The following NCKAP5 variants were observed in gnomAD, a reference collection of about 807,000 sequenced individuals.
NCKAP5 encodes the protein nck-associated protein 5.
A neutral mutation model predicts 167.0 loss-of-function variants in NCKAP5; 92 were observed. The ratio of observed to expected loss-of-function variants is 0.55; its 90% confidence interval spans 0.47 to 0.66. The LOEUF is 0.66. Among genes scored for constraint, NCKAP5 ranks in the 30% least tolerant of loss-of-function variants. The pLI is 0.00. For synonymous variants in NCKAP5, 891 were observed against 877.4 expected (o/e 1.02, Z -0.27); for missense variants, 2,378 against 2,315.0 (o/e 1.03, Z -0.56).
chr2:133,208,585 T>C (rs974389857), intron 5 of NCKAP5, among the ~76,000 whole-genome samples: 3 of 151,886 alleles, frequency 2.0e-5, no homozygotes, highest in African/African-American at 7.3e-5. Context: ...GCTTTAGGAG[T>C]ATGATAAGTA....
At chr2:132,759,656 T>C (rs1458166258) in intron 16 of NCKAP5, among the ~76,000 whole-genome samples, 1 of 152,134 alleles carries the variant, frequency 6.6e-6, no homozygotes, top group Non-Finnish European at 1.5e-5. Flanking sequence ...ATACCAGGTT[T>C]CTTTTCTTTA....
chr2:133,585,328 T>G, the NCKAP5 span, among the ~76,000 whole-genome samples: 4 of 152,184 alleles, frequency 2.6e-5, no homozygotes, highest in African/African-American at 9.6e-5. Context: ...ATTTTATAGG[T>G]GAAGGAATGG....
the NCKAP5 span, among the ~76,000 whole-genome samples, chr2:133,591,185 C>A: frequency 6.6e-6 from 1 of 152,178 alleles, no homozygotes. Flanking sequence ...AGTAGGGCTT[C>A]TTGTCAGGTG....
chr2:133,600,521 G>C, the NCKAP5 span, among the ~76,000 whole-genome samples: 1 of 152,242 alleles, frequency 6.6e-6, no homozygotes, highest in Non-Finnish European at 1.5e-5. Context: ...GCCCACTGGA[G>C]CAGAGCTGAC....
intron 6 of NCKAP5, among the ~76,000 whole-genome samples, chr2:133,086,404 G>C (rs1431376157): frequency 6.6e-6 from 1 of 152,142 alleles, no homozygotes; most frequent in African/African-American, 2.4e-5. Flanking sequence ...ATGGGAGAAC[G>C]AGGTAGGAGG....
At chr2:133,434,722 C>T (rs192700306) in intron 3 of NCKAP5, among the ~76,000 whole-genome samples, 47 of 152,298 alleles carry the variant, frequency 3.1e-4, no homozygotes, top group East Asian at 2.1e-3. Flanking sequence ...AACATCATTC[C>T]AGCACATAGT....
chr2:133,372,878 C>T (rs971674287), intron 3 of NCKAP5, among the ~76,000 whole-genome samples: 1 of 152,186 alleles, frequency 6.6e-6, no homozygotes, highest in East Asian at 1.9e-4. Flanking sequence ...TTCTGGGTTA[C>T]ATCCTTCACT....
intron 2 of NCKAP5, among the ~76,000 whole-genome samples, chr2:133,525,515 T>A (rs962951705): frequency 5.9e-5 from 9 of 152,124 alleles, no homozygotes; most frequent in Admixed American, 3.9e-4. Flanking sequence ...ACTGGAGCAG[T>A]AAAAAAATTG....
intron 2 of NCKAP5, among the ~76,000 whole-genome samples, chr2:133,531,843 T>C (rs1685391167): frequency 6.6e-6 from 1 of 152,220 alleles, no homozygotes; most frequent in African/African-American, 2.4e-5. Flanking sequence ...TACTACCCTG[T>C]ATTTAACACA....
intron 11 of NCKAP5, among the ~76,000 whole-genome samples, chr2:132,833,120 G>T (rs1410760898): frequency 6.6e-6 from 1 of 152,094 alleles, no homozygotes; most frequent in African/African-American, 2.4e-5. Context: ...CTCTGATGAT[G>T]TGTGATGTTT....
intron 4 of NCKAP5, chr2:133,268,479 CTTTTTTTTTTTTTT>C (rs993086767): frequency 8.2e-6 from 1 of 122,410 alleles, no homozygotes; most frequent in African/African-American, 3.3e-5. Flanking sequence ...ATTTTACAGC[CTTTTTTTTTTTTTT>C]TTTTTTTGAG....
At chr2:132,893,833 A>G (rs1692918509) in intron 8 of NCKAP5, among the ~76,000 whole-genome samples, 1 of 152,158 alleles carries the variant, frequency 6.6e-6, no homozygotes, top group South Asian at 2.1e-4. Flanking sequence ...TTAATTATAA[A>G]TATACATTTT....
chr2:133,473,841 G>C lies in NCKAP5; in HGVS notation c.69+43617C>G, dbSNP rs72846379. ...GCCAATTGGCAAGCCAGTTACTACAGAGCTACAAATTCAAACATGTATCTA... is the reference window on the plus strand; with the variant it reads ...GCCAATTGGCAAGCCAGTTACTACACAGCTACAAATTCAAACATGTATCTA... On this transcript the variant is annotated intron_variant, in intron 3 of 19. Transcript: ENST00000409261. Among the ~76,000 whole-genome samples, 276 of 152,208 alleles carry C rather than the reference G, an allele frequency of 1.8e-3. 2 individuals are homozygous for C. The highest frequency in any genetic ancestry group is 7.1e-3 in the South Asian group (34 of 4,818).
intron 4 of NCKAP5, among the ~76,000 whole-genome samples, chr2:133,264,761 G>A (rs781769408): frequency 1.3e-5 from 2 of 152,202 alleles, no homozygotes; most frequent in Non-Finnish European, 1.5e-5. Context: ...CAGTCAGACT[G>A]GGAAGGAGAA....
chr2:133,053,361 G>C (rs1218090821), intron 6 of NCKAP5, among the ~76,000 whole-genome samples: 1 of 152,192 alleles, frequency 6.6e-6, no homozygotes, highest in Non-Finnish European at 1.5e-5. Flanking sequence ...AGATCCTCAA[G>C]AAAATCAAAG....
At chr2:132,980,334 C>A (rs1370599) in intron 7 of NCKAP5, among the ~76,000 whole-genome samples, 2 of 151,702 alleles carry the variant, frequency 1.3e-5, no homozygotes, top group Non-Finnish European at 2.9e-5. Context: ...AATAGGCCTG[C>A]GGAAATTTAA....
intron 3 of NCKAP5, among the ~76,000 whole-genome samples, chr2:133,330,719 T>A (rs933315688): frequency 9.2e-5 from 14 of 151,968 alleles, no homozygotes; most frequent in Non-Finnish European, 2.1e-4. Flanking sequence ...CAAGACCCTG[T>A]CTGTACAAAA....
chr2:133,149,101 A>C (rs1231993929), intron 5 of NCKAP5, among the ~76,000 whole-genome samples: 1 of 152,150 alleles, frequency 6.6e-6, no homozygotes, highest in Non-Finnish European at 1.5e-5. Context: ...GTTCATCTCT[A>C]AACTCTTCAT....
At chr2:133,549,760 G>A (rs1221024252) in intron 2 of NCKAP5, among the ~76,000 whole-genome samples, 2 of 149,660 alleles carry the variant, frequency 1.3e-5, no homozygotes, top group Non-Finnish European at 3.0e-5. Context: ...CAGAACTGAA[G>A]GAAATAGAGA....
Sources: gnomAD v4.1 joint callset for allele counts (sites outside exome capture counted in the v4.1 genomes callset) on GRCh38, gnomAD v4.1.1 for gene constraint, MANE v1.5 for transcripts, NCBI Gene and HGNC (gene_info 2026-07-23, HGNC 2026-07-21) for gene names.